Variants in PTPN20 observed in about 807,000 individuals in gnomAD.
The protein encoded by PTPN20 is tyrosine-protein phosphatase non-receptor type 20.
Under a neutral mutation model 35.0 loss-of-function variants are expected in PTPN20, and 9 were observed. The observed-to-expected ratio is 0.26, with a 90% CI of 0.15 to 0.45. The LOEUF (loss-of-function observed/expected upper bound fraction) is 0.45. PTPN20 is among the 20% of genes least tolerant of loss of function. The probability of loss-of-function intolerance (pLI) is 1.00; values close to 1 mark genes in which losing one functional copy is unlikely to be tolerated. For synonymous variants in PTPN20, 32 were observed against 100.2 expected (o/e 0.32, Z 4.06); for missense variants, 111 against 312.5 (o/e 0.36, Z 4.86).
intron 1 of PTPN20, among the ~76,000 whole-genome samples, chr10:46,929,625 C>T (rs1363258235): frequency 1.3e-5 from 2 of 150,978 alleles, no homozygotes; most frequent in East Asian, 3.9e-4. Flanking sequence ...AGTCTAGTGG[C>T]TGGAGATTGA....
intron 9 of PTPN20, among the ~76,000 whole-genome samples, chr10:46,996,884 A>G (rs1211974516): frequency 2.0e-5 from 3 of 152,176 alleles, no homozygotes; most frequent in African/African-American, 7.2e-5. Flanking sequence ...GTAGTGATAT[A>G]GTAAGCTTTA....
chr10:46,928,279 G>T lies in PTPN20; in HGVS notation c.-123-4098G>T, dbSNP rs1467843487. On this transcript the variant is annotated intron_variant, in intron 1 of 10. Coordinates refer to ENST00000374339, the MANE Select transcript of PTPN20 (RefSeq NM_001042357.5). ...TGCTCATGTCTGTGATGAGTGGGTA[G>T]CAACTATTTTTTAATGTTTAAACTT... Among the ~76,000 whole-genome samples the T allele has an allele frequency of 2.0e-5, 3 of 152,158 alleles. No individual in the cohort carries two copies. The South Asian group carries it at 6.2e-4, about 32-fold the overall frequency.
At chr10:46,928,042 A>G (rs2038194792) in intron 1 of PTPN20, among the ~76,000 whole-genome samples, 1 of 150,174 alleles carries the variant, frequency 6.7e-6, no homozygotes, top group East Asian at 2.0e-4. Flanking sequence ...GAGTCATTTC[A>G]GAAAGATGTC....
intron 2 of PTPN20, among the ~76,000 whole-genome samples, chr10:46,939,048 T>G (rs2042619961): frequency 6.6e-6 from 1 of 152,042 alleles, no homozygotes; most frequent in Admixed American, 6.6e-5. Context: ...TTTTTCCTGT[T>G]AATTTTTTTT....
intron 2 of PTPN20, among the ~76,000 whole-genome samples, chr10:46,933,638 A>G (rs2040483430): frequency 7.3e-6 from 1 of 136,510 alleles, no homozygotes; most frequent in Admixed American, 7.2e-5. Context: ...CTTGTCCCCA[A>G]TATATGTTCT....
chr10:46,995,438 A>G (rs1391718782), intron 9 of PTPN20, among the ~76,000 whole-genome samples: 4 of 148,916 alleles, frequency 2.7e-5, no homozygotes, highest in African/African-American at 9.9e-5. Context: ...AAACAATAAG[A>G]GAGCTGCTCA....
At chr10:46,928,554 A>G (rs1233428981) in intron 1 of PTPN20, among the ~76,000 whole-genome samples, 1 of 152,120 alleles carries the variant, frequency 6.6e-6, no homozygotes, top group Non-Finnish European at 1.5e-5. Flanking sequence ...GCACTTTAGC[A>G]CTTCACTTCT....
chr10:46,951,534 A>G (rs1215439643), intron 5 of PTPN20, among the ~76,000 whole-genome samples: 17 of 152,212 alleles, frequency 1.1e-4, no homozygotes, highest in Admixed American at 6.5e-5. Flanking sequence ...TACAGGAAAA[A>G]CATGCAAATA....
chr10:46,975,366 CTA>C lies in PTPN20; in HGVS notation c.583+7321_583+7322del, dbSNP rs1401696033. On this transcript the variant is annotated intron_variant, in intron 7 of 10. Coordinates refer to ENST00000374339, the MANE Select transcript of PTPN20 (RefSeq NM_001042357.5). ...TCTTTCTGTACTTCTTGAGGTTGCT[CTA>C]TGTTTGTTTCTGCTACTACCACCCA... Among the ~76,000 whole-genome samples the C allele has an allele frequency of 1.1e-4, 14 of 124,144 alleles. 1 individual carries two copies. The highest frequency in any genetic ancestry group is 3.1e-4 in the South Asian group (1 of 3,182). 81.4% of individuals were successfully genotyped at this position (124,144 alleles called of 152,430 possible).
rs1334681046 is a variant in PTPN20, at chr10:47,001,425, A to G, written c.*684A>G. 1 of 152,578 alleles carries G rather than the reference A, an allele frequency of 6.6e-6. No individual in the cohort carries two copies. The highest frequency in any genetic ancestry group is 2.4e-5 in the African/African-American group (1 of 41,428). The allele number at this position is 152,578 out of a possible 1,614,324, so 9.5% of individuals were successfully genotyped here. The stretch of plus-strand genomic sequence containing the variant: ...GTCCAAAACTAAAATAGATGTTTAT[A>G]TAGAAAGCCCAAGAGGAGACTTTTG... On this transcript the variant is annotated 3_prime_UTR_variant, in exon 11 of 11. Coordinates refer to ENST00000374339, the MANE Select transcript of PTPN20 (RefSeq NM_001042357.5).
chr10:46,993,250 C>T (rs2058354549), intron 9 of PTPN20, among the ~76,000 whole-genome samples: 1 of 152,200 alleles, frequency 6.6e-6, no homozygotes, highest in Non-Finnish European at 1.5e-5. Context: ...GAGCCCCCTC[C>T]AGTCACTGGC....
intron 4 of PTPN20, among the ~76,000 whole-genome samples, chr10:46,945,081 G>A (rs2044308187): frequency 3.6e-5 from 5 of 139,534 alleles, no homozygotes; most frequent in Admixed American, 3.4e-4. Context: ...TAGGGGTAAT[G>A]GGGAGAAATA....
At position 46,931,556 on chromosome 10, in the gene PTPN20, C is replaced by CGGATTTTT. The variant is rs2039612407; in HGVS notation, c.-123-820_-123-819insGATTTTTG. Among the ~76,000 whole-genome samples, 23 of 142,484 alleles carry CGGATTTTT rather than the reference C, an allele frequency of 1.6e-4. 1 individual carries two copies. The highest frequency in any genetic ancestry group is 2.8e-4 in the Non-Finnish European group (19 of 67,144). The allele number at this position is 142,484 out of a possible 152,430, so 93.5% of individuals were successfully genotyped here. On this transcript the variant is annotated intron_variant, in intron 1 of 10. Transcript: ENST00000374339. ...GACCACAGGTGTGTGCCACCACACC[C>CGGATTTTT]GTCTAATTTTTGTAGAGACAGGATT...
At chr10:46,948,812 A>G (rs1433244934) in intron 5 of PTPN20, among the ~76,000 whole-genome samples, 47 of 149,052 alleles carry the variant, frequency 3.2e-4, no homozygotes, top group African/African-American at 1.2e-3. Context: ...AGCCTTGGGC[A>G]GGTCCTCTGT....
chr10:46,980,056 G>A (rs1277786581), intron 7 of PTPN20, among the ~76,000 whole-genome samples: 2 of 149,916 alleles, frequency 1.3e-5, no homozygotes, highest in East Asian at 4.2e-4. Flanking sequence ...TCAGAGGGTA[G>A]GAGATATATC....
intron 1 of PTPN20, among the ~76,000 whole-genome samples, chr10:46,931,367 AT>A (rs2039537062): frequency 7.1e-6 from 1 of 141,426 alleles, no homozygotes; most frequent in South Asian, 2.2e-4. Context: ...CATTCCACTT[AT>A]CTTTTGCCTT....
chr10:46,975,702 C>T (rs1322052379), intron 7 of PTPN20, among the ~76,000 whole-genome samples: 3 of 152,166 alleles, frequency 2.0e-5, no homozygotes, highest in Middle Eastern at 3.4e-3. Flanking sequence ...CTCGCTGTCG[C>T]CCAGGCTGGA....
At chr10:46,926,513 G>A (rs2037447420) in intron 1 of PTPN20, among the ~76,000 whole-genome samples, 1 of 151,416 alleles carries the variant, frequency 6.6e-6, no homozygotes, top group Admixed American at 6.6e-5. Context: ...AGGTAATGCT[G>A]TGTAGTTTTT....
intron 9 of PTPN20, among the ~76,000 whole-genome samples, chr10:46,995,332 T>C (rs970185371): frequency 3.7e-4 from 51 of 136,642 alleles, no homozygotes; most frequent in South Asian, 7.3e-4. Flanking sequence ...ATTTTTTTTT[T>C]CTTTTTTTTT....
Sources: gnomAD v4.1 joint callset for allele counts (sites outside exome capture counted in the v4.1 genomes callset) on GRCh38, gnomAD v4.1.1 for gene constraint, MANE v1.5 for transcripts, NCBI Gene and HGNC (gene_info 2026-07-23, HGNC 2026-07-21) for gene names.